UTP6: variants seen among roughly 807,000 people sequenced by gnomAD.
The protein encoded by UTP6 is UTP6 small subunit processome component.
In UTP6, 60 loss-of-function variants were observed where a neutral mutation model predicts 96.5. That is an observed-to-expected ratio of 0.62 (90% CI 0.51 to 0.77). The LOEUF (loss-of-function observed/expected upper bound fraction) is 0.77, where lower values mean the gene tolerates loss of function less well. UTP6 is among the 30% of genes least tolerant of loss of function. The probability of loss-of-function intolerance (pLI) is 0.00; values close to 1 mark genes in which losing one functional copy is unlikely to be tolerated. For synonymous variants in UTP6, 215 were observed against 240.1 expected, an observed-to-expected ratio of 0.90 and a Z score of 0.96; for missense variants, 637 against 706.5, an observed-to-expected ratio of 0.90 and a Z score of 1.12.
chr17:31,865,936 C>T (rs10491099), intron 17 of UTP6, among the ~76,000 whole-genome samples: 15,326 of 152,100 alleles, frequency 0.1, 1,462 homozygotes, highest in African/African-American at 0.26. Flanking sequence ...TCTCTTAGCA[C>T]AACTATAAGT....
intron 6 of UTP6, among the ~76,000 whole-genome samples, chr17:31,891,601 AC>A (rs1237525795): frequency 3.3e-5 from 5 of 152,214 alleles, no homozygotes; most frequent in Non-Finnish European, 7.3e-5. Flanking sequence ...TCTACTCTGT[AC>A]CAGCACTCTT....
At chr17:31,890,742 T>C (rs889917772) in intron 6 of UTP6, among the ~76,000 whole-genome samples, 3 of 152,072 alleles carry the variant, frequency 2.0e-5, no homozygotes, top group Non-Finnish European at 4.4e-5. Flanking sequence ...TCCCAGCACT[T>C]TGGGAGGCTG....
intron 14 of UTP6, among the ~76,000 whole-genome samples, chr17:31,874,527 C>G (rs1456073927): frequency 6.7e-6 from 1 of 148,240 alleles, no homozygotes; most frequent in Non-Finnish European, 1.5e-5. Flanking sequence ...GCCTGGGCAA[C>G]AGAACAAGAC....
In UTP6 at chr17:31,884,517, A is replaced by G; in HGVS notation, c.704-12T>C. The G allele has an allele frequency of 6.2e-7, 1 of 1,608,468 alleles. No homozygotes were observed. Among genetic ancestry groups the G allele is most frequent in the South Asian group, 1.1e-5 (1 of 89,698 alleles). ...GTGAAATTCTGCACCTAAATTTAAAAAGCAGGGGAGGGGAAGTTTATTGCC... is the reference window on the plus strand; with the variant it reads ...GTGAAATTCTGCACCTAAATTTAAAGAGCAGGGGAGGGGAAGTTTATTGCC... On this transcript the variant is annotated splice_polypyrimidine_tract_variant and intron_variant, in intron 9 of 18. Coordinates refer to ENST00000261708, the MANE Select transcript of UTP6 (RefSeq NM_018428.3).
In UTP6 at chr17:31,886,031, T is replaced by C. The variant is rs773495912; in HGVS notation, c.652A>G (p.Lys218Glu). The C allele has an allele frequency of 1.9e-6, 3 of 1,613,764 alleles. No homozygotes were observed. The highest frequency in any genetic ancestry group is 2.5e-6 in the Non-Finnish European group (3 of 1,179,934). Reference sequence around the variant, plus strand: ...TAGATGATCCATGCCAACTCGCCCTTAAGGATTTCTTCAGAATAATCAGGA... The same window carrying C: ...TAGATGATCCATGCCAACTCGCCCTCAAGGATTTCTTCAGAATAATCAGGA... ...ENPDYSEEIL[K>E]GELAWIIYKN... The change falls in exon 9 of 19, where the codon AAG becomes GAG. Residue 218 changes from lysine to glutamate, a missense_variant. Transcript: ENST00000261708.
chr17:31,876,657 A>C (rs1910519188), intron 13 of UTP6, among the ~76,000 whole-genome samples: 1 of 151,888 alleles, frequency 6.6e-6, no homozygotes, highest in Non-Finnish European at 1.5e-5. Context: ...AAAAATAATA[A>C]ATAAATAAAA....
chr17:31,898,263 G>A (rs756698887), intron 2 of UTP6, among the ~76,000 whole-genome samples: 2 of 152,102 alleles, frequency 1.3e-5, no homozygotes, highest in Non-Finnish European at 2.9e-5. Context: ...TTGGCCGGGC[G>A]TGGTGGCTCA....
chr17:31,884,263 G>T (rs974670509), intron 10 of UTP6, among the ~76,000 whole-genome samples, 161 bp downstream of exon 10: 1 of 152,096 alleles, frequency 6.6e-6, no homozygotes, highest in African/African-American at 2.4e-5. Context: ...CTCCCAAAGT[G>T]CTGGGATTAC....
chr17:31,881,359 T>C (rs1435189214), intron 10 of UTP6, among the ~76,000 whole-genome samples: 1 of 149,034 alleles, frequency 6.7e-6, no homozygotes, highest in African/African-American at 2.5e-5. Context: ...CCCCATCTCC[T>C]GGATTCAAGC....
intron 6 of UTP6, among the ~76,000 whole-genome samples, chr17:31,890,169 G>C (rs988822062): frequency 6.6e-6 from 1 of 151,778 alleles, no homozygotes; most frequent in Admixed American, 6.6e-5. Context: ...CCTAAATTTT[G>C]TAACTTTGTA....
chr17:31,901,227 T>C (rs141407283), intron 1 of UTP6: 36 of 353,806 alleles, frequency 1.0e-4, no homozygotes, highest in African/African-American at 7.1e-4. Flanking sequence ...ATTTAATTTG[T>C]CTGTCTCCCC....
chr17:31,863,393 G>A lies in UTP6; in HGVS notation c.1760C>T (p.Ala587Val), dbSNP rs536356581. Reference protein sequence around the residue: ...LQGESAEAFVAKHAMHQTGHL With the variant: ...LQGESAEAFVVKHAMHQTGHL The stretch of plus-strand genomic sequence containing the variant: ...GCCAGTCTGATGCATAGCATGTTTA[G>A]CTACAAATGCCTCTGCTGACTCTCC... The change falls in exon 19 of 19, where the codon GCT becomes GTT. Residue 587 changes from alanine to valine, a missense_variant. Physicochemically the swap from Ala to Val is moderately conservative, Grantham distance 64 (BLOSUM62 0). Transcript: ENST00000261708. 1 of 1,613,934 alleles carries A rather than the reference G, an allele frequency of 6.2e-7. No individual in the cohort carries two copies. Among genetic ancestry groups the A allele is most frequent in the African/African-American group, 1.3e-5 (1 of 74,992 alleles).
chr17:31,901,516 T>C lies in UTP6; in HGVS notation c.92+20A>G, dbSNP rs1005049049. The C allele has an allele frequency of 6.2e-7, 1 of 1,612,220 alleles. No homozygotes were observed. The highest frequency in any genetic ancestry group is 8.5e-7 in the Non-Finnish European group (1 of 1,179,036). On this transcript the variant is annotated intron_variant, in intron 1 of 18. Coordinates refer to ENST00000261708, the MANE Select transcript of UTP6 (RefSeq NM_018428.3). ...CCCTCAGGCCGCCTCAGCTCTTCCC[T>C]CTCCCCAACCCTCTCTCACTTAATC...
Position 31,863,667 on chromosome 17 carries a change from C to T in UTP6, c.1637-151G>A, listed in dbSNP as rs1038314331. 2.3e-5 allele frequency: 17 copies of T among 726,544 alleles called. No homozygotes were observed. The African/African-American group carries it at 3.0e-4, about 13-fold the overall frequency. The allele number at this position is 726,544 out of a possible 1,614,324, so 45.0% of individuals were successfully genotyped here. On this transcript the variant is annotated intron_variant, in intron 18 of 18. Transcript: ENST00000261708. ...TGTTTAACAATACCTCTCTTAGCTT[C>T]TTTAAAGTATAGTGGCAGGTTTTGG...
intron 14 of UTP6, 57 bp downstream of exon 14, chr17:31,875,177 G>A (rs1910420814): frequency 6.3e-7 from 1 of 1,593,464 alleles, no homozygotes; most frequent in African/African-American, 1.3e-5. Flanking sequence ...AATGAGCCTT[G>A]GCTAGTCTTA....
chr17:31,867,937 C>A, intron 17 of UTP6, 109 bp downstream of exon 17: 28 of 1,035,678 alleles, frequency 2.7e-5, no homozygotes, highest in South Asian at 1.1e-4. Flanking sequence ...AGCCTGGCAA[C>A]AGAGCGAGAC....
At chr17:31,864,570 T>C (rs1455292718) in intron 18 of UTP6, among the ~76,000 whole-genome samples, 1 of 151,908 alleles carries the variant, frequency 6.6e-6, no homozygotes, top group African/African-American at 2.4e-5. Flanking sequence ...TCTAAATACA[T>C]TTTTTTTAAG....
intron 10 of UTP6, among the ~76,000 whole-genome samples, chr17:31,883,318 T>G (rs1213803691): frequency 6.9e-6 from 1 of 145,948 alleles, no homozygotes; most frequent in Non-Finnish European, 1.5e-5. Flanking sequence ...AGCTTTAGAT[T>G]TTTTTTTTTT....
chr17:31,879,408 G>A (rs889809568), intron 11 of UTP6, among the ~76,000 whole-genome samples: 3 of 150,448 alleles, frequency 2.0e-5, no homozygotes, highest in African/African-American at 7.3e-5. Context: ...AATTAAGGAT[G>A]TCGGTAATCC....
Sources: allele counts gnomAD v4.1 joint callset (sites outside exome capture counted in the v4.1 genomes callset), GRCh38; gene constraint gnomAD v4.1.1; transcripts MANE v1.5; gene names NCBI Gene and HGNC (gene_info 2026-07-23, HGNC 2026-07-21).